Variants in FRA10AC1 observed in about 807,000 individuals in gnomAD.
FRA10AC1 encodes FRA10A associated CGG repeat 1, also known as protein FRA10AC1.
Under a neutral mutation model 56.5 loss-of-function variants are expected in FRA10AC1, and 43 were observed. The observed-to-expected ratio is 0.76, with a 90% confidence interval of 0.60 to 0.98. The LOEUF (loss-of-function observed/expected upper bound fraction) is 0.98. Ranked by LOEUF, FRA10AC1 falls within the 50% of genes least tolerant of loss-of-function variation. The pLI is 0.00. For synonymous variants in FRA10AC1, 112 were observed against 110.5 expected (o/e 1.01, Z -0.09); for missense variants, 346 against 351.8 (o/e 0.98, Z 0.13).
chr10:93,702,810 C>T (rs1389889481), upstream of FRA10AC1, among the ~76,000 whole-genome samples: 2 of 151,782 alleles, frequency 1.3e-5, no homozygotes, highest in Non-Finnish European at 2.9e-5. Flanking sequence ...GTACCGCTGG[C>T]ACTGCTTGCT....
upstream of FRA10AC1, chr10:93,702,686 C>G (rs911757664): frequency 4.3e-6 from 1 of 231,958 alleles, no homozygotes; most frequent in Non-Finnish European, 8.7e-6. Context: ...GAAACAAGGG[C>G]AGCGGGAGAA....
chr10:93,696,470 C>T (rs754241457), intron 4 of FRA10AC1, among the ~76,000 whole-genome samples: 2 of 152,174 alleles, frequency 1.3e-5, no homozygotes, highest in South Asian at 2.1e-4. Context: ...GCTAGCAAGG[C>T]TGTGGAGAAA....
At chr10:93,694,393 G>C (rs890011954) in intron 5 of FRA10AC1, among the ~76,000 whole-genome samples, 7 of 152,102 alleles carry the variant, frequency 4.6e-5, no homozygotes, top group African/African-American at 1.7e-4. Flanking sequence ...CTCAGGAGCT[G>C]TGGATGGTAT....
Position 93,702,512 on chromosome 10 carries a change from C to CACA in FRA10AC1, c.-141_-139dup. On this transcript the variant is annotated 5_prime_UTR_variant, in exon 1 of 14. Coordinates refer to ENST00000359204, the MANE Select transcript of FRA10AC1 (RefSeq NM_145246.5). The stretch of plus-strand genomic sequence containing the variant: ...CGTGCGCCCTGCCGCACAGCCTCGC[C>CACA]ACAACCACCACCGCCGCCGCCGCCG... 1 of 189,638 alleles carries CACA rather than the reference C, an allele frequency of 5.3e-6. No individual in the cohort carries two copies. 11.7% of individuals were successfully genotyped at this position (189,638 alleles called of 1,614,324 possible).
chr10:93,700,021 A>C lies in FRA10AC1; in HGVS notation c.77+9T>G. 1 of 1,469,060 alleles carries C rather than the reference A, an allele frequency of 6.8e-7. No individual in the cohort carries two copies. 91.0% of individuals were successfully genotyped at this position (1,469,060 alleles called of 1,614,324 possible). A position where few individuals can be genotyped will look rare whatever the true frequency, so the allele number is the denominator to read the frequency against. ...GTGAAAAATAGATCAATAAAAAAAA[A>C]TTACTTACCTTTTTTTCCTTTTGCT... On this transcript the variant is annotated intron_variant, in intron 2 of 13. Transcript: ENST00000359204.
chr10:93,672,423 A>G (rs1415258907), intron 12 of FRA10AC1: 2 of 153,982 alleles, frequency 1.3e-5, no homozygotes, highest in African/African-American at 2.4e-5. Flanking sequence ...AATGTGAGGG[A>G]AAAAAAGAAT....
At chr10:93,685,221 C>A in intron 9 of FRA10AC1, 25 bp downstream of exon 9, 1 of 978,976 alleles carries the variant, frequency 1.0e-6, no homozygotes, top group Non-Finnish European at 1.6e-6. Context: ...AAGAATCAAT[C>A]ATATACCCCC....
intron 7 of FRA10AC1, among the ~76,000 whole-genome samples, chr10:93,689,433 A>G (rs954883317): frequency 1.1e-4 from 17 of 152,158 alleles, no homozygotes; most frequent in African/African-American, 4.1e-4. Context: ...ACTCTGTTTA[A>G]TTCTATTTTT....
chr10:93,670,843 A>G lies in FRA10AC1; in HGVS notation c.832T>C (p.Ser278Pro). The stretch of plus-strand genomic sequence containing the variant: ...TCTGAAGCACTTTCTTCCTCATCAG[A>G]GTTTCCTGTTCATTTAAAAAAGATG... The part of the protein sequence containing the change: ...KKSEDSLLRN[S>P]DEEESASESE... The change falls in exon 13 of 14, where the codon TCT becomes CCT. Residue 278 changes from serine (S) to proline (P), a missense_variant. Physicochemically the swap from Ser to Pro is moderately conservative, Grantham distance 74. Coordinates refer to ENST00000359204, the MANE Select transcript of FRA10AC1 (RefSeq NM_145246.5). 6.2e-7 allele frequency: 1 copy of G among 1,607,336 alleles called. No individual in the cohort carries two copies. The highest frequency in any genetic ancestry group is 8.5e-7 in the Non-Finnish European group (1 of 1,174,456).
chr10:93,677,195 G>C (rs906151383), intron 11 of FRA10AC1, among the ~76,000 whole-genome samples: 2 of 152,026 alleles, frequency 1.3e-5, no homozygotes, highest in African/African-American at 4.8e-5. Context: ...TCCAGTGAGA[G>C]AAAGAGAGAG....
At chr10:93,674,997 G>A (rs1034296353) in intron 12 of FRA10AC1, 4 of 152,044 alleles carry the variant, frequency 2.6e-5, no homozygotes, top group Admixed American at 1.3e-4. Flanking sequence ...ATGTATTTTC[G>A]AAACTGTCAC....
chr10:93,691,962 T>C (rs781351698), intron 7 of FRA10AC1, 47 bp downstream of exon 7: 1 of 1,525,390 alleles, frequency 6.6e-7, no homozygotes, highest in Non-Finnish European at 8.9e-7. Flanking sequence ...AAAGTTAATA[T>C]TTTACTTGAA....
chr10:93,676,890 C>G (rs1019584932), intron 11 of FRA10AC1, among the ~76,000 whole-genome samples, 199 bp from the exon 12 acceptor site: 3 of 152,002 alleles, frequency 2.0e-5, no homozygotes, highest in African/African-American at 7.2e-5. Context: ...GAGATCATAT[C>G]TTATGTGCTC....
chr10:93,694,494 T>A (rs2059194611), intron 5 of FRA10AC1, among the ~76,000 whole-genome samples: 1 of 151,776 alleles, frequency 6.6e-6, no homozygotes, highest in Non-Finnish European at 1.5e-5. Context: ...GACAGGTGGA[T>A]CACAAGGTCA....
intron 12 of FRA10AC1, chr10:93,671,353 A>C (rs2058758709): frequency 6.5e-6 from 1 of 152,786 alleles, no homozygotes; most frequent in Non-Finnish European, 1.5e-5. Context: ...TAATGAGAAG[A>C]AGCCTGTTTC....
chr10:93,699,579 C>T (rs1193831142), intron 2 of FRA10AC1, among the ~76,000 whole-genome samples: 5 of 152,150 alleles, frequency 3.3e-5, no homozygotes, highest in African/African-American at 7.2e-5. Flanking sequence ...AGTTTCTTCC[C>T]GTGACCTTAG....
chr10:93,686,642 A>T (rs945229210), intron 8 of FRA10AC1, among the ~76,000 whole-genome samples: 1 of 106,852 alleles, frequency 9.4e-6, no homozygotes. Flanking sequence ...CTTATGGAAG[A>T]TATATATGAG....
intron 12 of FRA10AC1, chr10:93,674,221 G>T (rs1476671599): frequency 1.3e-5 from 2 of 152,046 alleles, no homozygotes; most frequent in Non-Finnish European, 2.9e-5. Flanking sequence ...TACAAAACGA[G>T]GATATTATAT....
rs375390820 is a variant in FRA10AC1 at position 93,681,549 on chromosome 10, A to C, written c.718T>G (p.Cys240Gly). Reference sequence around the variant, plus strand: ...GATTTTTTATGTGATGACTCTTCACAGTCTTTTTTGGTTTTATCTTTTCTT... The same window carrying C: ...GATTTTTTATGTGATGACTCTTCACCGTCTTTTTTGGTTTTATCTTTTCTT... ...KKRKDKTKKD[C>G]EESSHKKSRL... Residue 240 changes from cysteine (C) to glycine (G), a missense_variant, in exon 11 of 14, where the codon TGT becomes GGT. Coordinates refer to ENST00000359204, the MANE Select transcript of FRA10AC1 (RefSeq NM_145246.5). 33 of 1,575,678 alleles carry C rather than the reference A, an allele frequency of 2.1e-5. No individual in the cohort carries two copies. Among genetic ancestry groups the C allele is most frequent in the Non-Finnish European group, 2.5e-5 (29 of 1,165,232 alleles).
Sources: gnomAD v4.1 joint callset for allele counts (sites outside exome capture counted in the v4.1 genomes callset) on GRCh38, gnomAD v4.1.1 for gene constraint, MANE v1.5 for transcripts, NCBI Gene and HGNC (gene_info 2026-07-23, HGNC 2026-07-21) for gene names.